FADS3: variants seen among roughly 807,000 people sequenced by gnomAD.
The protein encoded by FADS3 is cytochrome b5-related protein.
In FADS3, 30 loss-of-function variants were observed where a neutral mutation model predicts 60.4. The ratio of observed to expected loss-of-function variants is 0.50; its 90% CI spans 0.37 to 0.67. The LOEUF (loss-of-function observed/expected upper bound fraction) is 0.67, where lower values mean the gene tolerates loss of function less well. FADS3 is among the 30% of genes least tolerant of loss of function. The pLI is 0.00. For missense variants in FADS3, 432 were observed against 598.3 expected (o/e 0.72, Z 2.90); for synonymous variants, 234 against 249.3 (o/e 0.94, Z 0.58).
Position 61,891,446 on chromosome 11 carries a change from G to C in FADS3, c.-65C>G. The C allele has an allele frequency of 8.5e-7, 1 of 1,180,986 alleles. No individual in the cohort carries two copies. Among genetic ancestry groups the C allele is most frequent in the Non-Finnish European group, 1.1e-6 (1 of 923,122 alleles). 73.2% of individuals were successfully genotyped at this position (1,180,986 alleles called of 1,614,324 possible). ...AGGTCCGAGCAAGACCCCGAGGGAA[G>C]CGAAGAGCGCTCCCGGGCGCCGCCT... On this transcript the variant is annotated 5_prime_UTR_variant, in exon 1 of 12. Transcript: ENST00000278829.
At chr11:61,882,797 T>C (rs1173498712) in intron 1 of FADS3, among the ~76,000 whole-genome samples, 3 of 152,192 alleles carry the variant, frequency 2.0e-5, no homozygotes, top group African/African-American at 7.2e-5. Context: ...TGGCATGATC[T>C]CGGCTTACTG....
chr11:61,878,962 A>G, intron 3 of FADS3, 115 bp from the exon 4 acceptor site: 1 of 819,380 alleles, frequency 1.2e-6, no homozygotes. Flanking sequence ...CTCCATTTCA[A>G]GACCCTTGTG....
Position 61,880,162 on chromosome 11 carries a change from GCAGA to G in FADS3, c.214-15_214-12del, listed in dbSNP as rs1938076334. The G allele has an allele frequency of 5.0e-6, 8 of 1,610,574 alleles. No homozygotes were observed. The highest frequency in any genetic ancestry group is 1.7e-5 in the Admixed American group (1 of 59,982). On this transcript the variant is annotated splice_polypyrimidine_tract_variant and intron_variant, in intron 1 of 11. Coordinates refer to ENST00000278829, the MANE Select transcript of FADS3 (RefSeq NM_021727.5). ...GGCACGGAAGGCATCCTGAAGGAGA[GCAGA>G]CAGTCAGGCGGACAGACAGACACAG...
intron 1 of FADS3, among the ~76,000 whole-genome samples, chr11:61,888,938 C>G (rs1215092609): frequency 6.6e-6 from 1 of 152,322 alleles, no homozygotes; most frequent in East Asian, 1.9e-4. Context: ...TCTTGTTGCC[C>G]AGGCTGGAGT....
intron 1 of FADS3, 118 bp from the exon 2 acceptor site, chr11:61,880,269 A>T: frequency 1.3e-6 from 1 of 750,908 alleles, no homozygotes; most frequent in Non-Finnish European, 2.2e-6. Flanking sequence ...ACAGGCGGAC[A>T]GGAAGTCAGC....
chr11:61,873,747 G>A lies in FADS3; in HGVS notation c.*67C>T, dbSNP rs1937763032. 8.1e-6 allele frequency: 10 copies of A among 1,237,252 alleles called. No homozygotes were observed. Among genetic ancestry groups the A allele is most frequent in the East Asian group, 2.5e-5 (1 of 40,816 alleles). The allele number at this position is 1,237,252 out of a possible 1,614,324, so 76.6% of individuals were successfully genotyped here. On this transcript the variant is annotated 3_prime_UTR_variant, in exon 12 of 12. Transcript: ENST00000278829. ...TGGCCAGTGGAGGGGTGAGGGTATC[G>A]ATCCCGCCGGGGGCTGGCTTGGTTG...
Position 61,878,860 on chromosome 11 carries a change from G to A in FADS3, c.523-13C>T. On this transcript the variant is annotated splice_polypyrimidine_tract_variant and intron_variant, in intron 3 of 11. Coordinates refer to ENST00000278829, the MANE Select transcript of FADS3 (RefSeq NM_021727.5). ...ACCAGGACTGAGCCTGGGGAGAGAG[G>A]CAGGGTCAGAAGCTGTTGGGAAGGA... 1.2e-6 allele frequency: 2 copies of A among 1,612,000 alleles called. No homozygotes were observed. The highest frequency in any genetic ancestry group is 1.3e-5 in the African/African-American group (1 of 75,018).
At position 61,873,576 on chromosome 11, in the gene FADS3, G is replaced by C. The variant is rs768083181; in HGVS notation, c.*238C>G. The C allele has an allele frequency of 1.8e-6, 1 of 560,344 alleles. No individual in the cohort carries two copies. Among genetic ancestry groups the C allele is most frequent in the South Asian group, 2.2e-5 (1 of 46,312 alleles). 34.7% of individuals were successfully genotyped at this position (560,344 alleles called of 1,614,324 possible). On this transcript the variant is annotated 3_prime_UTR_variant, in exon 12 of 12. Coordinates refer to ENST00000278829, the MANE Select transcript of FADS3 (RefSeq NM_021727.5). ...AAATAACAGCTTTCCCCCAATTCTC[G>C]CTCTAGGAAAATGTGCTATGCTCAC... is the stretch of plus-strand genomic sequence containing the variant.
Position 61,876,968 on chromosome 11 carries a change from A to AGG in FADS3, c.886-6_886-5insCC. 6.3e-7 allele frequency: 1 copy of AGG among 1,581,584 alleles called. No homozygotes were observed. ...GCTGGCGGCCCAGAGCAAATCCTGCAGAGGAGGGCAGAGGCGATACCGAGA... is the reference window on the plus strand; with the variant it reads ...GCTGGCGGCCCAGAGCAAATCCTGCAGGGAGGAGGGCAGAGGCGATACCGAGA... On this transcript the variant is annotated splice_region_variant and splice_polypyrimidine_tract_variant and intron_variant, in intron 7 of 11. Transcript: ENST00000278829. The surrounding 1 kb of genome is among the most constrained non-coding windows in gnomAD (Gnocchi z 5.7).
intron 1 of FADS3, among the ~76,000 whole-genome samples, chr11:61,886,959 G>T (rs1202831029): frequency 6.6e-6 from 1 of 152,188 alleles, no homozygotes; most frequent in East Asian, 1.9e-4. Flanking sequence ...TTTTCCCACA[G>T]TTGTTAGGGC....
intron 5 of FADS3, 51 bp downstream of exon 5, chr11:61,878,461 C>T (rs755812101): frequency 3.8e-6 from 6 of 1,595,030 alleles, no homozygotes; most frequent in Non-Finnish European, 5.1e-6. Context: ...GCATTAGCTC[C>T]CCCTCAGCTG....
chr11:61,879,997 C>T (rs1291453855), intron 2 of FADS3, 44 bp downstream of exon 2: 4 of 1,498,316 alleles, frequency 2.7e-6, no homozygotes, highest in Admixed American at 1.7e-5. Flanking sequence ...CTCCAGCCAT[C>T]CCCCTCCCTC....
intron 11 of FADS3, among the ~76,000 whole-genome samples, chr11:61,874,810 T>G (rs1230096103): frequency 2.6e-5 from 4 of 151,980 alleles, no homozygotes; most frequent in Non-Finnish European, 5.9e-5. Flanking sequence ...CGCCCCTGCC[T>G]GGCCGCCCCC....
rs1340083438 is a variant in FADS3 at position 61,876,984 on chromosome 11, G to A, written c.886-21C>T. 6.5e-6 allele frequency: 10 copies of A among 1,546,478 alleles called. No homozygotes were observed. The highest frequency in any genetic ancestry group is 3.9e-5 in the Admixed American group (2 of 51,116). ...AAATCCTGCAGAGGAGGGCAGAGGC[G>A]ATACCGAGAGGTCTCCAGGTGCCCG... On this transcript the variant is annotated intron_variant, in intron 7 of 11. Transcript: ENST00000278829. This position sits in a 1 kb window ranked among gnomAD's most constrained non-coding sequence, Gnocchi z 5.7.
intron 1 of FADS3, 47 bp downstream of exon 1, chr11:61,891,122 C>T: frequency 6.7e-7 from 1 of 1,493,802 alleles, no homozygotes; most frequent in South Asian, 1.2e-5. Flanking sequence ...CACGACCGAG[C>T]TCCAGGCTCC....
At chr11:61,881,558 G>C (rs76656467) in intron 1 of FADS3, 11,785 of 152,272 alleles carry the variant, frequency 0.077, 489 homozygotes, top group African/African-American at 0.1. Flanking sequence ...CTGGAGAAGG[G>C]AGGCCTCCCA....
chr11:61,890,789 G>A (rs889296125), intron 1 of FADS3, among the ~76,000 whole-genome samples: 10 of 152,178 alleles, frequency 6.6e-5, no homozygotes, highest in Non-Finnish European at 1.2e-4. Context: ...CCGGCCCCTG[G>A]GGACCCTGCC....
chr11:61,884,726 C>A (rs1215995784), intron 1 of FADS3, among the ~76,000 whole-genome samples: 1 of 152,164 alleles, frequency 6.6e-6, no homozygotes, highest in East Asian at 1.9e-4. Context: ...AACATCCACC[C>A]AGGGGTACGT....
chr11:61,876,286 C>A lies in FADS3; in HGVS notation c.1080+73G>T. ...CCTGGCAGCCCCGTCAGGGCCTCAT[C>A]CCTGCTTTGCCATCTGGCTCCTAGC... On this transcript the variant is annotated intron_variant, in intron 9 of 11. Coordinates refer to ENST00000278829, the MANE Select transcript of FADS3 (RefSeq NM_021727.5). The surrounding 1 kb of genome is among the most constrained non-coding windows in gnomAD (Gnocchi z 5.7). The A allele has an allele frequency of 6.3e-7, 1 of 1,588,792 alleles. No homozygotes were observed. The highest frequency in any genetic ancestry group is 1.1e-5 in the South Asian group (1 of 89,346).
Sources: gnomAD v4.1 joint callset for allele counts (sites outside exome capture counted in the v4.1 genomes callset) on GRCh38, gnomAD v4.1.1 for gene constraint, Gnocchi (gnomAD v3.1) non-coding constraint, MANE v1.5 for transcripts, NCBI Gene and HGNC (gene_info 2026-07-23, HGNC 2026-07-21) for gene names.